The following UBE3D variants were observed in gnomAD, a reference collection of about 807,000 sequenced individuals.
UBE3D encodes the protein E3 ubiquitin-protein ligase E3D.
In UBE3D, 48 loss-of-function variants were observed where a neutral mutation model predicts 49.6. The ratio of observed to expected loss-of-function variants is 0.97; its 90% CI spans 0.77 to 1.23. The LOEUF is 1.23. UBE3D is among the 50% of genes most tolerant of loss of function. UBE3D has a pLI of 0.00. For missense variants in UBE3D, 452 were observed against 468.4 expected, an observed-to-expected ratio of 0.96 and a Z score of 0.32; for synonymous variants, 189 against 174.2, an observed-to-expected ratio of 1.08 and a Z score of -0.67.
At chr6:83,028,521 C>T (rs1212389140) in intron 5 of UBE3D, among the ~76,000 whole-genome samples, 1 of 152,146 alleles carries the variant, frequency 6.6e-6, no homozygotes, top group Non-Finnish European at 1.5e-5. Flanking sequence ...GAGGGCACAA[C>T]ATTTAGCGTC....
intron 8 of UBE3D, among the ~76,000 whole-genome samples, chr6:82,965,370 G>A (rs1490609257): frequency 6.6e-6 from 1 of 152,004 alleles, no homozygotes; most frequent in Non-Finnish European, 1.5e-5. Flanking sequence ...GATCACCTGA[G>A]GTCGGGAGTT....
chr6:82,968,209 G>A (rs1235263407), intron 8 of UBE3D, among the ~76,000 whole-genome samples: 2 of 152,074 alleles, frequency 1.3e-5, no homozygotes, highest in Non-Finnish European at 2.9e-5. Context: ...TCAAGTTTTT[G>A]TATTTTTAAA....
At chr6:82,939,583 T>C (rs1225575709) in intron 9 of UBE3D, among the ~76,000 whole-genome samples, 1 of 152,240 alleles carries the variant, frequency 6.6e-6, no homozygotes, top group African/African-American at 2.4e-5. Context: ...TGTATTACAA[T>C]TGCCTACAGT....
intron 9 of UBE3D, among the ~76,000 whole-genome samples, chr6:82,906,488 G>A (rs1772110131): frequency 1.3e-5 from 2 of 152,156 alleles, no homozygotes; most frequent in African/African-American, 2.4e-5. Context: ...CGTGATCCTA[G>A]TAGTTTATAA....
chr6:83,049,625 T>C (rs1401548466), intron 3 of UBE3D: 5 of 320,044 alleles, frequency 1.6e-5, no homozygotes, highest in African/African-American at 1.1e-4. Context: ...ACATCTCATG[T>C]TTCCCAAGAT....
At chr6:82,946,353 A>G (rs1775400305) in intron 9 of UBE3D, among the ~76,000 whole-genome samples, 4 of 152,130 alleles carry the variant, frequency 2.6e-5, no homozygotes, top group Admixed American at 2.0e-4. Flanking sequence ...GAGTGGCATG[A>G]CCTATTTAAA....
downstream of UBE3D, among the ~76,000 whole-genome samples, chr6:82,891,333 C>A (rs1262647575): frequency 1.3e-5 from 2 of 152,162 alleles, no homozygotes; most frequent in African/African-American, 2.4e-5. Context: ...TCCTTCAATG[C>A]AGAGAGCAGT....
In UBE3D at chr6:83,022,479, C is replaced by T; in HGVS notation, c.820G>A (p.Gly274Ser). Residue 274 changes from glycine (G) to serine (S), a missense_variant, in exon 7 of 10, where the codon GGT (glycine) becomes AGT (serine). Coordinates refer to ENST00000369747, the MANE Select transcript of UBE3D (RefSeq NM_198920.3). ...AAGATATACACTTTGTCATCCTGAC[C>T]TTGAATCGTGAATCTAAAAGTGCTT... ...ARSTFRFTIQGQDDKVYILLW... is the reference protein window; with the variant it reads ...ARSTFRFTIQSQDDKVYILLW... The T allele has an allele frequency of 1.2e-6, 2 of 1,603,912 alleles. No homozygotes were observed. Among genetic ancestry groups the T allele is most frequent in the Non-Finnish European group, 1.7e-6 (2 of 1,176,024 alleles).
intron 5 of UBE3D, chr6:83,032,457 C>A (rs113151599): frequency 8.6e-6 from 3 of 350,552 alleles, no homozygotes; most frequent in East Asian, 7.7e-5. Flanking sequence ...AATGCCTGTA[C>A]CCCCATTGTA....
At position 82,892,998 on chromosome 6, in the gene UBE3D, G is replaced by A. The variant is rs199735817; in HGVS notation, c.*24C>T. On this transcript the variant is annotated 3_prime_UTR_variant, in exon 10 of 10. Transcript: ENST00000369747. Reference sequence around the variant, plus strand: ...CCTGCTTGAGAGCTGTCTGCCGGGGGAGGAGAATGCCCAGCTCTAATAGTT... The same window carrying A: ...CCTGCTTGAGAGCTGTCTGCCGGGGAAGGAGAATGCCCAGCTCTAATAGTT... The A allele has an allele frequency of 4.3e-6, 7 of 1,613,680 alleles. No individual in the cohort carries two copies. The highest frequency in any genetic ancestry group is 1.7e-4 in the Middle Eastern group (1 of 6,058).
chr6:83,062,427 A>G (rs1404296079), intron 1 of UBE3D, among the ~76,000 whole-genome samples: 1 of 152,138 alleles, frequency 6.6e-6, no homozygotes, highest in African/African-American at 2.4e-5. Context: ...GAGGGCATTA[A>G]TCTATTCAAG....
At chr6:82,959,284 C>T (rs1776380330) in intron 8 of UBE3D, among the ~76,000 whole-genome samples, 1 of 151,386 alleles carries the variant, frequency 6.6e-6, no homozygotes, top group South Asian at 2.1e-4. Context: ...CTAAACTGAC[C>T]TGATTTGTAA....
the UBE3D span, among the ~76,000 whole-genome samples, chr6:82,883,444 T>C: frequency 4.6e-5 from 7 of 152,172 alleles, no homozygotes; most frequent in African/African-American, 1.7e-4. Flanking sequence ...TTCTCTGCAT[T>C]AGGCATCGTC....
At chr6:82,961,019 T>C (rs562303730) in intron 8 of UBE3D, among the ~76,000 whole-genome samples, 1 of 152,262 alleles carries the variant, frequency 6.6e-6, no homozygotes, top group South Asian at 2.1e-4. Context: ...GAATGTTCCT[T>C]GGGAACTCAT....
chr6:82,986,214 T>G (rs1169142850), intron 8 of UBE3D, among the ~76,000 whole-genome samples: 1 of 152,106 alleles, frequency 6.6e-6, no homozygotes, highest in African/African-American at 2.4e-5. Flanking sequence ...GGCTCATGCC[T>G]GTAATCCCAG....
intron 9 of UBE3D, among the ~76,000 whole-genome samples, chr6:82,916,614 G>A (rs1182419081): frequency 6.6e-6 from 1 of 152,204 alleles, no homozygotes; most frequent in African/African-American, 2.4e-5. Context: ...GTTGCTGACT[G>A]AAAGCAGAAA....
intron 9 of UBE3D, among the ~76,000 whole-genome samples, chr6:82,910,729 A>G (rs2127725661): frequency 6.6e-6 from 1 of 152,280 alleles, no homozygotes. Flanking sequence ...TCCAAGAATT[A>G]GAATTAGGTG....
chr6:82,983,692 ACATAATTGCT>A (rs989799535), intron 8 of UBE3D, among the ~76,000 whole-genome samples: 76 of 152,260 alleles, frequency 5.0e-4, no homozygotes, highest in African/African-American at 1.6e-3. Flanking sequence ...CATGACACCA[ACATAATTGCT>A]CATTTGACTT....
At chr6:82,913,052 GC>G (rs1461070659) in intron 9 of UBE3D, among the ~76,000 whole-genome samples, 1 of 152,170 alleles carries the variant, frequency 6.6e-6, no homozygotes, top group Non-Finnish European at 1.5e-5. Context: ...AAGCCCAGTG[GC>G]TATGCAATCC....
Sources: gnomAD v4.1 joint callset for allele counts (sites outside exome capture counted in the v4.1 genomes callset) on GRCh38, gnomAD v4.1.1 for gene constraint, MANE v1.5 for transcripts, NCBI Gene and HGNC (gene_info 2026-07-23, HGNC 2026-07-21) for gene names.